The following DTNB variants were observed in gnomAD, a reference collection of about 807,000 sequenced individuals.
The protein encoded by DTNB is DTN-B.
A neutral mutation model predicts 90.7 loss-of-function variants in DTNB; 63 were observed. The ratio of observed to expected loss-of-function variants is 0.69; its 90% confidence interval spans 0.57 to 0.86. The LOEUF (loss-of-function observed/expected upper bound fraction) is 0.86, where lower values mean the gene tolerates loss of function less well. Among genes scored for constraint, DTNB ranks in the 40% least tolerant of loss-of-function variants. The pLI is 0.00. For synonymous variants in DTNB, 277 were observed against 286.7 expected (o/e 0.97, Z 0.34); for missense variants, 744 against 807.1 (o/e 0.92, Z 0.95).
At chr2:25,601,630 T>TTAGAC (rs1182609023) in intron 5 of DTNB, among the ~76,000 whole-genome samples, 1 of 152,182 alleles carries the variant, frequency 6.6e-6, no homozygotes, top group African/African-American at 2.4e-5. Context: ...AAAGGGCTGT[T>TTAGAC]TAGACTGAAG....
intron 8 of DTNB, among the ~76,000 whole-genome samples, chr2:25,543,755 A>C (rs1378523004): frequency 6.6e-6 from 1 of 151,158 alleles, no homozygotes; most frequent in Non-Finnish European, 1.5e-5. Context: ...TTCAGGTTTT[A>C]TTTTCTTATT....
chr2:25,448,651 G>A (rs1353328360), intron 12 of DTNB, among the ~76,000 whole-genome samples: 1 of 151,980 alleles, frequency 6.6e-6, no homozygotes, highest in Non-Finnish European at 1.5e-5. Flanking sequence ...TCAGGAGATC[G>A]AGACCATCCT....
chr2:25,639,146 A>G, intron 2 of DTNB, 52 bp from the exon 3 acceptor site: 1 of 1,496,888 alleles, frequency 6.7e-7, no homozygotes, highest in Non-Finnish European at 9.0e-7. Context: ...TTAGTTTCCA[A>G]ACGCTAGGAA....
intron 7 of DTNB, 127 bp downstream of exon 7, chr2:25,580,594 G>C: frequency 1.1e-6 from 1 of 919,814 alleles, no homozygotes; most frequent in South Asian, 1.6e-5. Flanking sequence ...ACCACAAAAT[G>C]AAATGACAGA....
At chr2:25,527,150 C>T (rs999097494) in intron 9 of DTNB, among the ~76,000 whole-genome samples, 3 of 152,018 alleles carry the variant, frequency 2.0e-5, no homozygotes, top group African/African-American at 4.8e-5. Context: ...ACATTTACAG[C>T]CTTAAATGCT....
At chr2:25,451,447 G>A (rs1036871059) in intron 12 of DTNB, 101 bp downstream of exon 12, 10 of 1,250,830 alleles carry the variant, frequency 8.0e-6, no homozygotes, top group Non-Finnish European at 1.1e-5. Context: ...TGTCCCCGAG[G>A]TACCTGTTCT....
At chr2:25,389,212 C>T (rs972971752) in intron 16 of DTNB, among the ~76,000 whole-genome samples, 5 of 152,214 alleles carry the variant, frequency 3.3e-5, no homozygotes, top group Non-Finnish European at 7.3e-5. Flanking sequence ...TGTGTCAGGC[C>T]ACACAGCTTG....
intron 11 of DTNB, among the ~76,000 whole-genome samples, chr2:25,454,948 A>T (rs1038332721): frequency 6.6e-6 from 1 of 152,194 alleles, no homozygotes; most frequent in African/African-American, 2.4e-5. Context: ...CTAACAGATA[A>T]AGGGTGGTAA....
chr2:25,469,067 C>A (rs1031832904), intron 10 of DTNB, among the ~76,000 whole-genome samples: 2 of 152,068 alleles, frequency 1.3e-5, no homozygotes, highest in African/African-American at 4.8e-5. Context: ...TTGTGAAGTG[C>A]CCAGCCTTGA....
chr2:25,625,459 T>C (rs1441262361), intron 4 of DTNB, among the ~76,000 whole-genome samples: 3 of 152,240 alleles, frequency 2.0e-5, no homozygotes, highest in South Asian at 4.1e-4. Flanking sequence ...TCATTTATTC[T>C]GATACCATGG....
chr2:25,407,761 G>C (rs2045574678), intron 16 of DTNB, among the ~76,000 whole-genome samples: 1 of 152,122 alleles, frequency 6.6e-6, no homozygotes, highest in South Asian at 2.1e-4. Context: ...ATGGACTATG[G>C]AGCCTCAGAA....
chr2:25,658,179 C>T (rs552961432), intron 1 of DTNB, among the ~76,000 whole-genome samples: 12 of 151,910 alleles, frequency 7.9e-5, no homozygotes, highest in Admixed American at 7.9e-4. Context: ...ATTGGTTGAA[C>T]CTGGGAGGCG....
chr2:25,472,022 T>C (rs996922238), intron 10 of DTNB, among the ~76,000 whole-genome samples: 2 of 152,244 alleles, frequency 1.3e-5, no homozygotes, highest in African/African-American at 4.8e-5. Context: ...CTATGTGATT[T>C]ATTTGAAATA....
At chr2:25,664,615 C>T (rs1454348133) in intron 1 of DTNB, among the ~76,000 whole-genome samples, 2 of 152,168 alleles carry the variant, frequency 1.3e-5, no homozygotes, top group Non-Finnish European at 2.9e-5. Context: ...CTTGATTGCT[C>T]ATATTTTCTT....
intron 8 of DTNB, among the ~76,000 whole-genome samples, chr2:25,572,480 A>C (rs2060023427): frequency 6.6e-6 from 1 of 151,330 alleles, no homozygotes; most frequent in South Asian, 2.1e-4. Flanking sequence ...AAAAAAAAAA[A>C]AAACTATCTG....
chr2:25,512,614 G>A (rs556243746), intron 9 of DTNB, among the ~76,000 whole-genome samples: 4 of 152,316 alleles, frequency 2.6e-5, no homozygotes, highest in African/African-American at 9.6e-5. Context: ...AGAGCTCAAG[G>A]AATTTAGGAA....
chr2:25,401,629 G>T (rs536417010), intron 16 of DTNB, among the ~76,000 whole-genome samples: 1 of 152,212 alleles, frequency 6.6e-6, no homozygotes, highest in African/African-American at 2.4e-5. Context: ...TTTCCTCATG[G>T]AATAGGGAAG....
chr2:25,533,944 A>T (rs1257084721), intron 8 of DTNB, among the ~76,000 whole-genome samples: 3 of 147,778 alleles, frequency 2.0e-5, no homozygotes, highest in East Asian at 2.0e-4. Flanking sequence ...TTTTATTTTT[A>T]TTTATTTATT....
chr2:25,503,493 T>C (rs1029753506), intron 9 of DTNB, among the ~76,000 whole-genome samples: 4 of 152,074 alleles, frequency 2.6e-5, no homozygotes, highest in Admixed American at 6.6e-5. Flanking sequence ...ACCCTGTCTC[T>C]AAACAAAACA....
Sources: gnomAD v4.1 joint callset for allele counts (sites outside exome capture counted in the v4.1 genomes callset) on GRCh38, gnomAD v4.1.1 for gene constraint, MANE v1.5 for transcripts, NCBI Gene and HGNC (gene_info 2026-07-23, HGNC 2026-07-21) for gene names.